The following ME3 variants were observed in gnomAD, a reference collection of about 807,000 sequenced individuals.
ME3 encodes the protein NADP-dependent malic enzyme, mitochondrial.
A neutral mutation model predicts 68.9 loss-of-function variants in ME3; 48 were observed. The ratio of observed to expected loss-of-function variants is 0.70; its 90% confidence interval spans 0.55 to 0.89. ME3 has a LOEUF of 0.89. ME3 is among the 40% of genes least tolerant of loss of function. ME3 has a pLI of 0.00. For missense variants in ME3, 675 were observed against 797.4 expected, an observed-to-expected ratio of 0.85 and a Z score of 1.85; for synonymous variants, 320 against 318.8, an observed-to-expected ratio of 1.00 and a Z score of -0.04.
At chr11:86,539,866 CA>C (rs1378845554) in intron 4 of ME3, among the ~76,000 whole-genome samples, 2 of 152,144 alleles carry the variant, frequency 1.3e-5, no homozygotes, top group Non-Finnish European at 2.9e-5. Flanking sequence ...TCTTGGGCCC[CA>C]TATAAAATAT....
At chr11:86,454,267 C>T (rs1403514917) in intron 8 of ME3, among the ~76,000 whole-genome samples, 1 of 152,204 alleles carries the variant, frequency 6.6e-6, no homozygotes. Flanking sequence ...AGAGCAAAGG[C>T]ATAAAATATT....
chr11:86,548,105 C>T lies in ME3; in HGVS notation c.467+8448G>A, dbSNP rs568315518. Reference sequence around the variant, plus strand: ...AACTCATGGATGGCTGAGGAGTGTCCGTCCTTTCCCCAGAGCAAGCTGCTC... The same window carrying T: ...AACTCATGGATGGCTGAGGAGTGTCTGTCCTTTCCCCAGAGCAAGCTGCTC... On this transcript the variant is annotated intron_variant, in intron 4 of 14. Transcript: ENST00000543262. Among the ~76,000 whole-genome samples the T allele has an allele frequency of 7.2e-5, 11 of 152,284 alleles. No homozygotes were observed. In the East Asian group the frequency reaches 1.3e-3, roughly 19 times the overall value.
chr11:86,660,674 A>G (rs1946216594), intron 2 of ME3, among the ~76,000 whole-genome samples: 1 of 152,096 alleles, frequency 6.6e-6, no homozygotes, highest in Non-Finnish European at 1.5e-5. Flanking sequence ...ATTCTAGCTG[A>G]CTACTTTCCT....
chr11:86,536,036 A>T (rs987864967), intron 4 of ME3, among the ~76,000 whole-genome samples: 1 of 152,188 alleles, frequency 6.6e-6, no homozygotes, highest in African/African-American at 2.4e-5. Flanking sequence ...AGGCAAATAG[A>T]AACTCCAACC....
At chr11:86,458,484 T>C (rs1950058450) in intron 8 of ME3, among the ~76,000 whole-genome samples, 1 of 152,036 alleles carries the variant, frequency 6.6e-6, no homozygotes. Context: ...GATCATCTTC[T>C]TGGCTTCTCT....
At chr11:86,560,122 T>C (rs1446509073) in intron 2 of ME3, among the ~76,000 whole-genome samples, 2 of 152,230 alleles carry the variant, frequency 1.3e-5, no homozygotes, top group Non-Finnish European at 2.9e-5. Flanking sequence ...ATGGTTTGTC[T>C]CTGTGTCCCC....
intron 2 of ME3, among the ~76,000 whole-genome samples, chr11:86,615,626 G>GTAC (rs1230584286): frequency 6.6e-6 from 1 of 152,150 alleles, no homozygotes; most frequent in African/African-American, 2.4e-5. Context: ...TATTGAGGAA[G>GTAC]TACTTCATTA....
intron 2 of ME3, among the ~76,000 whole-genome samples, chr11:86,639,784 T>A (rs1334755444): frequency 6.6e-6 from 1 of 152,232 alleles, no homozygotes; most frequent in African/African-American, 2.4e-5. Flanking sequence ...GAATATCCTT[T>A]CAAATTAGGC....
intron 4 of ME3, among the ~76,000 whole-genome samples, chr11:86,510,878 C>T (rs531799269): frequency 2.0e-5 from 3 of 152,192 alleles, no homozygotes; most frequent in Non-Finnish European, 4.4e-5. Context: ...AATCTTCCAC[C>T]ATTATGACTC....
intron 4 of ME3, among the ~76,000 whole-genome samples, chr11:86,518,489 T>C (rs1207044983): frequency 1.3e-5 from 2 of 152,250 alleles, no homozygotes; most frequent in East Asian, 3.8e-4. Flanking sequence ...CTTTGTCCTG[T>C]CATTTCTTCT....
intron 7 of ME3, among the ~76,000 whole-genome samples, chr11:86,480,154 C>T (rs1169968778): frequency 6.6e-6 from 1 of 152,190 alleles, no homozygotes; most frequent in Non-Finnish European, 1.5e-5. Flanking sequence ...AATCTCATTA[C>T]AGTGCCTAGT....
chr11:86,440,168 A>G (rs1948930456), downstream of ME3, among the ~76,000 whole-genome samples: 1 of 152,240 alleles, frequency 6.6e-6, no homozygotes, highest in Non-Finnish European at 1.5e-5. Flanking sequence ...CAGCAGGAGT[A>G]GGACCCTAAG....
At chr11:86,450,470 G>A (rs1390017824) in intron 8 of ME3, 72 bp from the exon 9 acceptor site, 3 of 1,300,624 alleles carry the variant, frequency 2.3e-6, no homozygotes, top group Non-Finnish European at 2.2e-6. Flanking sequence ...CCTTGGCAGA[G>A]TTCCCCACAT....
intron 4 of ME3, among the ~76,000 whole-genome samples, chr11:86,543,763 A>C (rs745696292): frequency 6.6e-5 from 10 of 152,174 alleles, no homozygotes; most frequent in Non-Finnish European, 1.5e-4. Flanking sequence ...TAAAATTAAC[A>C]AGGATATTCC....
chr11:86,534,081 G>GTGTATATATATATATATATATA (rs1361825219), intron 4 of ME3, among the ~76,000 whole-genome samples: 5 of 127,518 alleles, frequency 3.9e-5, no homozygotes, highest in African/African-American at 1.6e-4. Flanking sequence ...GTGTGTGTGT[G>GTGTATATATATATATATATATA]TATATATATA....
intron 6 of ME3, among the ~76,000 whole-genome samples, chr11:86,495,553 G>T (rs1255184309): frequency 6.6e-6 from 1 of 152,214 alleles, no homozygotes; most frequent in Admixed American, 6.5e-5. Flanking sequence ...AGCAGGAGGT[G>T]TTGGAAAGGA....
rs1009320919 is a variant in ME3, at chr11:86,670,425, C to T, written c.183+1337G>A. 3.9e-5 allele frequency among the ~76,000 whole-genome samples: 6 copies of T among 152,192 alleles called. 1 individual carries two copies. Among genetic ancestry groups the T allele is most frequent in the African/African-American group, 1.4e-4 (6 of 41,448 alleles). On this transcript the variant is annotated intron_variant, in intron 2 of 14. Coordinates refer to ENST00000543262, the Ensembl canonical transcript of ME3. ...TGTGGTTCAAGCCGTGCCTGCAACC[C>T]TTCCTCTAGATTCTTTAGATAAAGG... is the stretch of plus-strand genomic sequence containing the variant.
intron 13 of ME3, among the ~76,000 whole-genome samples, chr11:86,443,985 GC>G (rs1383514241): frequency 6.6e-6 from 1 of 152,166 alleles, no homozygotes; most frequent in East Asian, 1.9e-4. Context: ...TGTGCTAGGT[GC>G]TGAGGAGCCA....
chr11:86,545,634 A>G (rs1956317009), intron 4 of ME3, among the ~76,000 whole-genome samples: 1 of 152,238 alleles, frequency 6.6e-6, no homozygotes, highest in African/African-American at 2.4e-5. Context: ...TTCAAGGGGA[A>G]CTAAAAACCA....
Sources: gnomAD v4.1 joint callset for allele counts (sites outside exome capture counted in the v4.1 genomes callset) on GRCh38, gnomAD v4.1.1 for gene constraint, MANE v1.5 for transcripts, NCBI Gene and HGNC (gene_info 2026-07-23, HGNC 2026-07-21) for gene names.